Variants in PIAS1 observed in about 807,000 individuals in gnomAD.
The protein encoded by PIAS1 is E3 SUMO-protein ligase PIAS1.
Under a neutral mutation model 71.3 loss-of-function variants are expected in PIAS1, and 6 were observed. The ratio of observed to expected loss-of-function variants is 0.08; its 90% CI spans 0.05 to 0.17. The LOEUF (loss-of-function observed/expected upper bound fraction) is 0.17. Among genes scored for constraint, PIAS1 ranks in the 10% least tolerant of loss-of-function variants. The pLI is 1.00. For missense variants in PIAS1, 555 were observed against 793.6 expected (o/e 0.70, Z 3.61); for synonymous variants, 303 against 292.9 (o/e 1.03, Z -0.35).
intron 1 of PIAS1, among the ~76,000 whole-genome samples, chr15:68,071,358 G>A (rs560875094): frequency 6.6e-4 from 99 of 149,590 alleles, no homozygotes; most frequent in African/African-American, 2.4e-3. Flanking sequence ...TGGGATTACA[G>A]GTGCATGCCA....
rs951822725 is a variant in PIAS1, at chr15:68,108,298, A to C, written c.469+21548A>C. On this transcript the variant is annotated intron_variant, in intron 2 of 13. Coordinates refer to ENST00000249636, the MANE Select transcript of PIAS1 (RefSeq NM_016166.3). ...CTTGTCAAGAACACCTGTGATGCCA[A>C]ACCCCATGATCTGTTCTCAGTCTCC... Among the ~76,000 whole-genome samples the C allele has an allele frequency of 3.9e-5, 6 of 152,106 alleles. 1 individual carries two copies. Among genetic ancestry groups the C allele is most frequent in the African/African-American group, 1.4e-4 (6 of 41,422 alleles).
At chr15:68,168,630 A>G (rs993220258) in intron 8 of PIAS1, among the ~76,000 whole-genome samples, 62 of 152,190 alleles carry the variant, frequency 4.1e-4, no homozygotes, top group African/African-American at 1.4e-3. Context: ...CAAGTTAGAG[A>G]AAATCGATAT....
At chr15:68,062,850 CAATA>C (rs1229720157) in intron 1 of PIAS1, among the ~76,000 whole-genome samples, 3 of 151,934 alleles carry the variant, frequency 2.0e-5, no homozygotes, top group African/African-American at 7.3e-5. Flanking sequence ...CTTTTTTTTA[CAATA>C]GATAGTGAAG....
intron 6 of PIAS1, among the ~76,000 whole-genome samples, chr15:68,151,594 C>T (rs575872163): frequency 1.1e-4 from 17 of 151,166 alleles, no homozygotes; most frequent in Admixed American, 4.0e-4. Flanking sequence ...CTGAGGCAGG[C>T]GGATCACTTG....
At chr15:68,099,696 T>C (rs1002988856) in intron 2 of PIAS1, among the ~76,000 whole-genome samples, 1 of 151,626 alleles carries the variant, frequency 6.6e-6, no homozygotes, top group African/African-American at 2.4e-5. Flanking sequence ...TGGGAGAAAA[T>C]ACCAAGTTGT....
At chr15:68,072,400 A>C (rs894166100) in intron 1 of PIAS1, among the ~76,000 whole-genome samples, 1 of 74,706 alleles carries the variant, frequency 1.3e-5, no homozygotes, top group African/African-American at 6.6e-5. Context: ...ACTCCATCTC[A>C]AAAAAAAAAA....
chr15:68,139,208 C>T (rs1489541694), intron 2 of PIAS1, among the ~76,000 whole-genome samples: 1 of 152,200 alleles, frequency 6.6e-6, no homozygotes, highest in Non-Finnish European at 1.5e-5. Flanking sequence ...GAATCCAGGT[C>T]TGTGTAATCT....
At position 68,114,782 on chromosome 15, in the gene PIAS1, G is replaced by A. The variant is rs373329342; in HGVS notation, c.470-27164G>A. On this transcript the variant is annotated intron_variant, in intron 2 of 13. Coordinates refer to ENST00000249636, the MANE Select transcript of PIAS1 (RefSeq NM_016166.3). ...GTTTATGTAAATTGCAACATGATTC[G>A]TCTTTTTATTTTTGATCTAGTTCGT... Among the ~76,000 whole-genome samples the A allele has an allele frequency of 4.2e-4, 63 of 151,074 alleles. 1 individual carries two copies. The highest frequency in any genetic ancestry group is 2.1e-3 in the East Asian group (11 of 5,146).
rs2093113331 is a variant in PIAS1 at position 68,190,317 on chromosome 15, A to C, written c.*2482A>C. 6.6e-6 allele frequency: 1 copy of C among 152,166 alleles called. No individual in the cohort carries two copies. The allele number at this position is 152,166 out of a possible 1,614,324, so 9.4% of individuals were successfully genotyped here. ...ACCCTGTGAGGAGTTTGTTTCCATC[A>C]GTTGTTGACTTTCCAAAATGTTGCA... On this transcript the variant is annotated 3_prime_UTR_variant, in exon 14 of 14. Coordinates refer to ENST00000249636, the MANE Select transcript of PIAS1 (RefSeq NM_016166.3). This position sits in a 1 kb window ranked among gnomAD's most constrained non-coding sequence, Gnocchi z 4.7.
At chr15:68,058,644 C>T (rs1206847019) in intron 1 of PIAS1, among the ~76,000 whole-genome samples, 1 of 152,178 alleles carries the variant, frequency 6.6e-6, no homozygotes, top group Non-Finnish European at 1.5e-5. Context: ...GGGCATTTTG[C>T]AAGCTTCCTT....
At chr15:68,128,627 A>G (rs2092669026) in intron 2 of PIAS1, among the ~76,000 whole-genome samples, 1 of 152,198 alleles carries the variant, frequency 6.6e-6, no homozygotes, top group African/African-American at 2.4e-5. Context: ...TTCTAAAAAT[A>G]TGACTGTTTT....
intron 4 of PIAS1, 110 bp from the exon 5 acceptor site, chr15:68,145,706 C>T (rs1344413861): frequency 7.7e-6 from 5 of 647,478 alleles, no homozygotes; most frequent in Non-Finnish European, 5.4e-6. Context: ...TTATAGTTTT[C>T]CCTTTTGGTT....
chr15:68,173,528 G>C lies in PIAS1; in HGVS notation c.1009-204G>C, dbSNP rs2093004221. Reference sequence around the variant, plus strand: ...GTTGTAGACTTTCCATAGTCATTTTGTTTGATAGCCAAAGAAATACTGTCA... The same window carrying C: ...GTTGTAGACTTTCCATAGTCATTTTCTTTGATAGCCAAAGAAATACTGTCA... On this transcript the variant is annotated intron_variant, in intron 8 of 13. Coordinates refer to ENST00000249636, the MANE Select transcript of PIAS1 (RefSeq NM_016166.3). This position sits in a 1 kb window ranked among gnomAD's most constrained non-coding sequence, Gnocchi z 4.3. 6.6e-6 allele frequency among the ~76,000 whole-genome samples: 1 copy of C among 152,150 alleles called. No individual in the cohort carries two copies. Among genetic ancestry groups the C allele is most frequent in the East Asian group, 1.9e-4 (1 of 5,192 alleles).
intron 2 of PIAS1, among the ~76,000 whole-genome samples, chr15:68,139,273 A>G (rs547473392): frequency 6.6e-6 from 1 of 152,290 alleles, no homozygotes; most frequent in African/African-American, 2.4e-5. Context: ...CATTTTTACA[A>G]TTAAACTGTT....
At chr15:68,090,100 G>A (rs1192031042) in intron 2 of PIAS1, among the ~76,000 whole-genome samples, 3 of 151,486 alleles carry the variant, frequency 2.0e-5, no homozygotes, top group African/African-American at 7.3e-5. Flanking sequence ...GGCTGGTCTC[G>A]AACTCCTGGA....
At chr15:68,066,600 A>G (rs947413218) in intron 1 of PIAS1, among the ~76,000 whole-genome samples, 1 of 152,110 alleles carries the variant, frequency 6.6e-6, no homozygotes, top group African/African-American at 2.4e-5. Flanking sequence ...GGACCTAGAA[A>G]TTGTAAGACT....
At chr15:68,166,026 AT>A (rs1567072466) in intron 8 of PIAS1, among the ~76,000 whole-genome samples, 2 of 152,196 alleles carry the variant, frequency 1.3e-5, no homozygotes, top group Admixed American at 1.3e-4. Flanking sequence ...GTAATTACAA[AT>A]ATTAGTCTTT....
At chr15:68,175,598 A>C in intron 9 of PIAS1, 39 bp from the exon 10 acceptor site, 1 of 1,183,058 alleles carries the variant, frequency 8.5e-7, no homozygotes, top group Non-Finnish European at 1.1e-6. Flanking sequence ...CTTTATGTTC[A>C]TTTAAAATAT....
intron 4 of PIAS1, 146 bp from the exon 5 acceptor site, chr15:68,145,670 T>A: frequency 1.7e-6 from 1 of 581,324 alleles, no homozygotes; most frequent in Non-Finnish European, 3.1e-6. Flanking sequence ...TACATATACT[T>A]ATTAATAGGG....
Sources: allele counts gnomAD v4.1 joint callset (sites outside exome capture counted in the v4.1 genomes callset), GRCh38; gene constraint gnomAD v4.1.1; non-coding constraint Gnocchi (gnomAD v3.1); transcripts MANE v1.5; gene names NCBI Gene and HGNC (gene_info 2026-07-23, HGNC 2026-07-21).